The following SLC39A11 variants were observed in gnomAD, a reference collection of about 807,000 sequenced individuals.
SLC39A11 encodes solute carrier family 39 member 11.
Under a neutral mutation model 36.1 loss-of-function variants are expected in SLC39A11, and 33 were observed. The ratio of observed to expected loss-of-function variants is 0.91; its 90% confidence interval spans 0.69 to 1.22. The LOEUF (loss-of-function observed/expected upper bound fraction) is 1.22. SLC39A11 is among the 50% of genes most tolerant of loss of function. The pLI is 0.00. For synonymous variants in SLC39A11, 166 were observed against 170.3 expected, an observed-to-expected ratio of 0.97 and a Z score of 0.20; for missense variants, 432 against 430.3, an observed-to-expected ratio of 1.00 and a Z score of -0.03.
chr17:73,001,505 T>C (rs1305811883), intron 4 of SLC39A11, among the ~76,000 whole-genome samples: 1 of 151,314 alleles, frequency 6.6e-6, no homozygotes, highest in Non-Finnish European at 1.5e-5. Flanking sequence ...ATGGCACATG[T>C]ATACATATGT....
chr17:72,703,836 AC>A (rs1598396411), intron 7 of SLC39A11, among the ~76,000 whole-genome samples: 1 of 151,236 alleles, frequency 6.6e-6, no homozygotes, highest in East Asian at 1.9e-4. Context: ...TCAAAATAAG[AC>A]AAACTGTTGG....
At chr17:73,047,697 G>A (rs963276290) in intron 3 of SLC39A11, among the ~76,000 whole-genome samples, 7 of 151,974 alleles carry the variant, frequency 4.6e-5, no homozygotes, top group Admixed American at 1.3e-4. Flanking sequence ...GCTGGGCGAG[G>A]TAGCGCACAT....
intron 6 of SLC39A11, among the ~76,000 whole-genome samples, chr17:72,798,786 A>C (rs182868953): frequency 1.3e-5 from 2 of 152,076 alleles, no homozygotes; most frequent in Admixed American, 1.3e-4. Context: ...TCCAAATACC[A>C]TCACACTGGG....
chr17:72,838,231 C>CTTTT, intron 6 of SLC39A11: 4 of 293,376 alleles, frequency 1.4e-5, no homozygotes, highest in Non-Finnish European at 1.7e-5. Flanking sequence ...CTTTCCTTTT[C>CTTTT]TTTTTTTTTT....
chr17:72,910,128 T>C (rs1382265526), intron 5 of SLC39A11, among the ~76,000 whole-genome samples: 1 of 152,088 alleles, frequency 6.6e-6, no homozygotes, highest in Non-Finnish European at 1.5e-5. Context: ...ACAACATTTT[T>C]AGTCGTAAGT....
At chr17:72,799,416 A>G (rs536508077) in intron 6 of SLC39A11, among the ~76,000 whole-genome samples, 3 of 152,318 alleles carry the variant, frequency 2.0e-5, no homozygotes, top group East Asian at 1.9e-4. Flanking sequence ...GAAGACAACC[A>G]TAAGGTCTGA....
intron 6 of SLC39A11, among the ~76,000 whole-genome samples, chr17:72,790,970 C>T (rs1324470641): frequency 2.0e-5 from 3 of 152,224 alleles, no homozygotes; most frequent in Non-Finnish European, 4.4e-5. Flanking sequence ...GAAGACAAAT[C>T]CCCAGCTCCC....
intron 5 of SLC39A11, among the ~76,000 whole-genome samples, chr17:72,859,984 T>A (rs1598150611): frequency 8.9e-6 from 1 of 112,692 alleles, no homozygotes; most frequent in African/African-American, 3.5e-5. Context: ...TGAGACTCCA[T>A]CAAGAAAGAA....
intron 6 of SLC39A11, among the ~76,000 whole-genome samples, chr17:72,807,756 T>A (rs1033115783): frequency 6.6e-6 from 1 of 152,224 alleles, no homozygotes; most frequent in Non-Finnish European, 1.5e-5. Flanking sequence ...CTGAGTTGTA[T>A]CCTTTTAGGA....
chr17:72,873,612 G>A (rs530794923), intron 5 of SLC39A11, among the ~76,000 whole-genome samples: 1 of 152,288 alleles, frequency 6.6e-6, no homozygotes, highest in South Asian at 2.1e-4. Flanking sequence ...ACCCTGGTGG[G>A]AGGCAAAGGA....
At chr17:73,032,464 C>T (rs1024254301) in intron 3 of SLC39A11, among the ~76,000 whole-genome samples, 2 of 152,154 alleles carry the variant, frequency 1.3e-5, no homozygotes, top group Non-Finnish European at 2.9e-5. Context: ...ACCTCGGCCT[C>T]CCAAAGTGCT....
rs1245438606 is a variant in SLC39A11, at chr17:72,648,979, A to G, written c.771-18T>C. On this transcript the variant is annotated intron_variant, in intron 8 of 9. Transcript: ENST00000255559. ...GCCCATACCTAAGGAGAGAACAGAG[A>G]CATTTACCACCGCAGGGGGAGGCAA... is the stretch of plus-strand genomic sequence containing the variant. 2.5e-6 allele frequency: 4 copies of G among 1,603,940 alleles called. No individual in the cohort carries two copies. The highest frequency in any genetic ancestry group is 3.4e-6 in the Non-Finnish European group (4 of 1,175,174).
At chr17:72,900,153 A>AAAGAAAG (rs1394045009) in intron 5 of SLC39A11, among the ~76,000 whole-genome samples, 3 of 61,296 alleles carry the variant, frequency 4.9e-5, no homozygotes, top group Non-Finnish European at 9.4e-5. Flanking sequence ...AGAAAGAAAG[A>AAAGAAAG]AAAGAAAGAA....
rs184854601 is a variant in SLC39A11 at position 73,086,653 on chromosome 17, C to A, written c.109-1807G>T. 3.8e-3 allele frequency among the ~76,000 whole-genome samples: 575 copies of A among 152,160 alleles called. 8 individuals are homozygous for A. The highest frequency in any genetic ancestry group is 0.013 in the African/African-American group (536 of 41,498). On this transcript the variant is annotated intron_variant, in intron 2 of 9. Coordinates refer to ENST00000255559, the MANE Select transcript of SLC39A11 (RefSeq NM_139177.4). ...TGAGCAACATAGTGAAACCCCATCT[C>A]CACTACAAATACAAAAATTAGCTGG... is the stretch of plus-strand genomic sequence containing the variant.
At chr17:72,970,223 A>G (rs2087337448) in intron 4 of SLC39A11, among the ~76,000 whole-genome samples, 1 of 152,064 alleles carries the variant, frequency 6.6e-6, no homozygotes, top group Non-Finnish European at 1.5e-5. Flanking sequence ...ATCTGTACAC[A>G]CTCTCTGCCT....
At chr17:72,728,351 AGGATCGCTT>A (rs1342270587) in intron 7 of SLC39A11, among the ~76,000 whole-genome samples, 1 of 152,032 alleles carries the variant, frequency 6.6e-6, no homozygotes, top group Non-Finnish European at 1.5e-5. Context: ...CTGAGGTGGG[AGGATCGCTT>A]GAGCCCAGGG....
chr17:72,712,052 C>T (rs542372013), intron 7 of SLC39A11, among the ~76,000 whole-genome samples: 2 of 152,364 alleles, frequency 1.3e-5, no homozygotes, highest in African/African-American at 4.8e-5. Context: ...CCTTGTCCTA[C>T]AAGGTCTGCT....
At chr17:73,050,256 C>T (rs1000203102) in intron 3 of SLC39A11, among the ~76,000 whole-genome samples, 1 of 141,244 alleles carries the variant, frequency 7.1e-6, no homozygotes, top group Admixed American at 7.4e-5. Context: ...GAGAAGGAGC[C>T]ATATACAATT....
rs181830305 is a variant in SLC39A11, at chr17:72,771,133, C to G, written c.602-34414G>C. Among the ~76,000 whole-genome samples the G allele has an allele frequency of 8.0e-3, 1,207 of 151,392 alleles. 18 individuals are homozygous for G. The highest frequency in any genetic ancestry group is 9.2e-3 in the Non-Finnish European group (622 of 67,908). ...GGTGCAGCGGCTCACGCCTCTAATA[C>G]TAGCACTTTGAGAGGCTGAGGCAGG... is the stretch of plus-strand genomic sequence containing the variant. On this transcript the variant is annotated intron_variant, in intron 6 of 9. Transcript: ENST00000255559.
Sources: gnomAD v4.1 joint callset for allele counts (sites outside exome capture counted in the v4.1 genomes callset) on GRCh38, gnomAD v4.1.1 for gene constraint, MANE v1.5 for transcripts, NCBI Gene and HGNC (gene_info 2026-07-23, HGNC 2026-07-21) for gene names.